ZNF124: variants seen among roughly 807,000 people sequenced by gnomAD.
The protein encoded by ZNF124 is zinc finger protein 124.
Under a neutral mutation model 26.6 loss-of-function variants are expected in ZNF124, and 25 were observed. The ratio of observed to expected loss-of-function variants is 0.94; its 90% CI spans 0.68 to 1.31. ZNF124 has a LOEUF of 1.31. ZNF124 is among the 40% of genes most tolerant of loss of function. The pLI is 0.00. For synonymous variants in ZNF124, 129 were observed against 133.3 expected, an observed-to-expected ratio of 0.97 and a Z score of 0.22; for missense variants, 444 against 422.2, an observed-to-expected ratio of 1.05 and a Z score of -0.45.
intron 3 of ZNF124, among the ~76,000 whole-genome samples, chr1:247,135,371 C>T (rs1672457343): frequency 6.6e-6 from 1 of 152,090 alleles, no homozygotes; most frequent in African/African-American, 2.4e-5. Context: ...ACTGACCCCA[C>T]AGAAATAAAA....
Position 247,159,015 on chromosome 1 carries a change from C to T in ZNF124, c.209G>A (p.Arg70Lys), listed in dbSNP as rs971030794. The stretch of plus-strand genomic sequence containing the variant: ...TGTGAGGGCAAATTACCTTAGATTT[C>T]TTGAAGAATTTTTGTACTGATCTTC... ...SIEDQYKNSS[R>K]NLRHIISHSG... Residue 70 changes from arginine to lysine, a missense_variant, in exon 3 of 4, where the codon AGA (arginine) becomes AAA (lysine). Coordinates refer to ENST00000543802, the MANE Select transcript of ZNF124 (RefSeq NM_001297568.2). 5 of 1,613,406 alleles carry T rather than the reference C, an allele frequency of 3.1e-6. No individual in the cohort carries two copies. In the African/African-American group the frequency reaches 6.7e-5, roughly 22 times the overall value.
Position 247,155,438 on chromosome 1 carries a change from G to C in ZNF124, c.*1128C>G, listed in dbSNP as rs1419832791. On this transcript the variant is annotated 3_prime_UTR_variant, in exon 4 of 4. Transcript: ENST00000543802. ...ATGGCTATGCAAGAAAAAAGGAAAA[G>C]AAATACATTTCAATTTACCCATATA... 1.3e-5 allele frequency among the ~76,000 whole-genome samples: 2 copies of C among 151,866 alleles called. No individual in the cohort carries two copies. Among genetic ancestry groups the C allele is most frequent in the African/African-American group, 4.8e-5 (2 of 41,352 alleles).
intron 1 of ZNF124, among the ~76,000 whole-genome samples, chr1:247,160,886 CTAA>C (rs1558389642): frequency 6.6e-6 from 1 of 152,120 alleles, no homozygotes; most frequent in African/African-American, 2.4e-5. Flanking sequence ...GTAATTAACA[CTAA>C]TAATCAATAT....
intron 3 of ZNF124, among the ~76,000 whole-genome samples, chr1:247,145,122 A>C (rs1482041225): frequency 1.3e-5 from 2 of 152,160 alleles, no homozygotes; most frequent in African/African-American, 4.8e-5. Context: ...CAAATTTGGG[A>C]AACAGATCTC....
In ZNF124 at chr1:247,147,133, C is replaced by A. The variant is rs143183566; in HGVS notation, c.218+11873G>T. 7.4e-5 allele frequency among the ~76,000 whole-genome samples: 11 copies of A among 148,194 alleles called. 1 individual carries two copies. In the East Asian group the frequency reaches 2.2e-3, roughly 29 times the overall value. ...CAATTTCAGCTAATTACTTTTATCT[C>A]GTAAGTGGAGGGAATTTCAGTGTTT... On this transcript the variant is annotated intron_variant, in intron 3 of 3. Coordinates refer to the ZNF124 transcript ENST00000472531.
At chr1:247,162,498 T>C (rs985534234) in intron 1 of ZNF124, among the ~76,000 whole-genome samples, 2 of 152,020 alleles carry the variant, frequency 1.3e-5, no homozygotes, top group African/African-American at 4.8e-5. Context: ...TGGTATATTA[T>C]GCCATCTAGG....
In ZNF124 at chr1:247,157,344, G is replaced by C. The variant is rs1380029470; in HGVS notation, c.278C>G (p.Pro93Arg). The change falls in exon 4 of 4, where the codon CCA becomes CGA. Residue 93 changes from proline to arginine, a missense_variant. Pro to Arg is a moderately radical substitution (Grantham distance 103). Transcript: ENST00000543802. ...PYGCEECGKK[P>R]CTCKQCQKTS... ...TTTCTGACATTGTTTACATGTACAT[G>C]GCTTCTTTCCGCATTCCTCACACCC... is the stretch of plus-strand genomic sequence containing the variant. 1 of 1,560,458 alleles carries C rather than the reference G, an allele frequency of 6.4e-7. No homozygotes were observed. Among genetic ancestry groups the C allele is most frequent in the Non-Finnish European group, 8.7e-7 (1 of 1,151,120 alleles).
At chr1:247,138,305 G>A (rs1334921739) in intron 3 of ZNF124, 1 of 153,992 alleles carries the variant, frequency 6.5e-6, no homozygotes, top group Non-Finnish European at 1.4e-5. Flanking sequence ...AAAGGAATGA[G>A]ATCATGTGCT....
rs1435600486 is a variant in ZNF124 at position 247,166,414 on chromosome 1, A to G, written c.30+5434T>C. On this transcript the variant is annotated intron_variant, in intron 1 of 3. Transcript: ENST00000543802. ...CTACCATAAAGAAATATGCATGCAT[A>G]GGTTCACTGTAGCATTATTCACAAA... Among the ~76,000 whole-genome samples the G allele has an allele frequency of 3.3e-5, 5 of 152,210 alleles. No individual in the cohort carries two copies. The East Asian group carries it at 9.6e-4, about 29-fold the overall frequency.
intron 3 of ZNF124, among the ~76,000 whole-genome samples, chr1:247,124,042 A>T (rs982808358): frequency 4.6e-5 from 7 of 150,618 alleles, no homozygotes; most frequent in Non-Finnish European, 8.9e-5. Flanking sequence ...GTTAGCCAGG[A>T]TGGTCTTGAT....
At position 247,156,590 on chromosome 1, in the gene ZNF124, C is replaced by T. The variant is rs750945749; in HGVS notation, c.1032G>A (p.Lys344=). Residue 344 remains lysine, a synonymous_variant, in exon 4 of 4, where the codon AAG becomes AAA. Coordinates refer to ENST00000543802, the MANE Select transcript of ZNF124 (RefSeq NM_001297568.2). ...WKHKKTHTGE[K]PYKCKKM is the part of the protein sequence containing the mutation. ...TTTACATTTTTTTACATTTATAGGG[C>T]TTTTCTCCAGTATGAGTTTTTTTAT... The T allele has an allele frequency of 1.0e-5, 16 of 1,547,754 alleles. No individual in the cohort carries two copies. The highest frequency in any genetic ancestry group is 1.7e-4 in the Middle Eastern group (1 of 5,720).
chr1:247,153,018 A>G (rs1366798519), downstream of ZNF124, among the ~76,000 whole-genome samples: 1 of 152,060 alleles, frequency 6.6e-6, no homozygotes, highest in East Asian at 1.9e-4. Context: ...CTGTAGTTCC[A>G]GCTACTCGGG....
At chr1:247,136,751 A>G (rs552402795) in intron 3 of ZNF124, among the ~76,000 whole-genome samples, 1 of 152,254 alleles carries the variant, frequency 6.6e-6, no homozygotes, top group South Asian at 2.1e-4. Flanking sequence ...GCTTGAGACC[A>G]GCTTGGCCAA....
chr1:247,123,657 C>A (rs1260316188), exon 4 of ZNF124: 2 of 577,006 alleles, frequency 3.5e-6, no homozygotes, highest in Non-Finnish European at 6.2e-6. Context: ...GTGAAGAGTA[C>A]TAGATGGATC....
intron 3 of ZNF124, among the ~76,000 whole-genome samples, chr1:247,126,039 G>A (rs922960085): frequency 1.3e-5 from 2 of 152,094 alleles, no homozygotes; most frequent in Non-Finnish European, 2.9e-5. Context: ...TGAGGTGGGC[G>A]GATCATGAGG....
At chr1:247,124,036 G>T (rs907969957) in intron 3 of ZNF124, among the ~76,000 whole-genome samples, 1 of 149,098 alleles carries the variant, frequency 6.7e-6, no homozygotes, top group Non-Finnish European at 1.5e-5. Context: ...CACCGTGTTA[G>T]CCAGGATGGT....
In ZNF124 at chr1:247,157,126, T is replaced by TGC; in HGVS notation, c.495_496insGC (p.Asn166AlafsTer89). Reference sequence around the variant, plus strand: ...CCAGTGTGAATCCTTTTATGTCTATTAAGAGAACGGGAAAAACCTAAGGCT... The same window carrying TGC: ...CCAGTGTGAATCCTTTTATGTCTATTGCAAGAGAACGGGAAAAACCTAAGGCT... On this transcript the variant is annotated frameshift_variant, in exon 4 of 4. Coordinates refer to ENST00000543802, the MANE Select transcript of ZNF124 (RefSeq NM_001297568.2). LOFTEE classifies it high-confidence loss of function. 6.2e-7 allele frequency: 1 copy of TGC among 1,613,736 alleles called. No individual in the cohort carries two copies. Among genetic ancestry groups the TGC allele is most frequent in the South Asian group, 1.1e-5 (1 of 91,036 alleles).
At chr1:247,141,308 C>T (rs751025117) in intron 3 of ZNF124, among the ~76,000 whole-genome samples, 13 of 150,740 alleles carry the variant, frequency 8.6e-5, no homozygotes, top group Admixed American at 2.0e-4. Context: ...CTGCAGACAG[C>T]GGTAGCAAGG....
rs1237998480 is a variant in ZNF124, at chr1:247,155,668, TG to T, written c.*897del. Among the ~76,000 whole-genome samples, 1 of 152,010 alleles carries T rather than the reference TG, an allele frequency of 6.6e-6. No homozygotes were observed. Among genetic ancestry groups the T allele is most frequent in the African/African-American group, 2.4e-5 (1 of 41,418 alleles). On this transcript the variant is annotated 3_prime_UTR_variant, in exon 4 of 4. Transcript: ENST00000543802. ...CGAGGTCAGGAGATTGAGACCATCC[TG>T]GCTAACACGGTGAAACCCCATCTCT...
Sources: allele counts gnomAD v4.1 joint callset (sites outside exome capture counted in the v4.1 genomes callset), GRCh38; gene constraint gnomAD v4.1.1; transcripts MANE v1.5; gene names NCBI Gene and HGNC (gene_info 2026-07-23, HGNC 2026-07-21).